The following P4HA2 variants were observed in gnomAD, a reference collection of about 807,000 sequenced individuals.
The protein encoded by P4HA2 is prolyl 4-hydroxylase subunit alpha 2.
Under a neutral mutation model 76.9 loss-of-function variants are expected in P4HA2, and 46 were observed. The observed-to-expected ratio is 0.60, with a 90% confidence interval of 0.47 to 0.76. The LOEUF is 0.76. Ranked by LOEUF, P4HA2 falls within the 30% of genes least tolerant of loss-of-function variation. The pLI, the probability that P4HA2 is intolerant of heterozygous loss-of-function variation, is 0.00. For synonymous variants in P4HA2, 243 were observed against 254.0 expected, an observed-to-expected ratio of 0.96 and a Z score of 0.41; for missense variants, 583 against 669.4, an observed-to-expected ratio of 0.87 and a Z score of 1.42.
intron 6 of P4HA2, among the ~76,000 whole-genome samples, 180 bp from the exon 7 acceptor site, chr5:132,209,511 G>A (rs575074617): frequency 3.3e-4 from 51 of 152,302 alleles, no homozygotes; most frequent in Admixed American, 2.4e-3. Flanking sequence ...GGCCAGGTGC[G>A]GTGGCTCATA....
chr5:132,218,375 T>C (rs997163975), intron 2 of P4HA2, among the ~76,000 whole-genome samples, 170 bp downstream of exon 2: 6 of 152,174 alleles, frequency 3.9e-5, no homozygotes, highest in East Asian at 3.8e-4. Context: ...ATCCAGATCA[T>C]TGGGATCTTA....
intron 2 of P4HA2, 35 bp from the exon 3 acceptor site, chr5:132,217,883 C>T: frequency 7.6e-7 from 1 of 1,310,188 alleles, no homozygotes; most frequent in Non-Finnish European, 1.1e-6. Context: ...CAGTGAGAAA[C>T]AGATGAGGGA....
intron 1 of P4HA2, among the ~76,000 whole-genome samples, chr5:132,223,239 C>T (rs954171022): frequency 2.1e-4 from 32 of 152,186 alleles, no homozygotes; most frequent in African/African-American, 7.5e-4. Context: ...TAAAACACCA[C>T]CTCCCATCCT....
chr5:132,220,692 G>A (rs1304975614), intron 1 of P4HA2, among the ~76,000 whole-genome samples: 1 of 152,244 alleles, frequency 6.6e-6, no homozygotes, highest in East Asian at 1.9e-4. Flanking sequence ...TCTCTGGAAT[G>A]TGCGATCTGG....
intron 12 of P4HA2, chr5:132,195,692 A>G: frequency 1.7e-6 from 1 of 591,422 alleles, no homozygotes; most frequent in Non-Finnish European, 3.0e-6. Context: ...CCATGTCATG[A>G]GTGTTCAAGA....
chr5:132,200,260 G>A (rs1751300460), intron 10 of P4HA2: 1 of 152,186 alleles, frequency 6.6e-6, no homozygotes, highest in Non-Finnish European at 1.5e-5. Flanking sequence ...TATAAGAGAT[G>A]AAATCCTCTT....
chr5:132,207,512 C>T (rs78249255), intron 8 of P4HA2, among the ~76,000 whole-genome samples, 196 bp downstream of exon 8: 306 of 152,258 alleles, frequency 2.0e-3, no homozygotes, highest in Admixed American at 4.6e-3. Flanking sequence ...CATTGGTTAC[C>T]CTGTTCTTCT....
intron 4 of P4HA2, among the ~76,000 whole-genome samples, chr5:132,215,070 G>C (rs1338083154): frequency 6.6e-6 from 1 of 152,166 alleles, no homozygotes; most frequent in Non-Finnish European, 1.5e-5. Flanking sequence ...TGCCACCTAT[G>C]ACTTCAGACC....
Position 132,197,346 on chromosome 5 carries a change from G to A in P4HA2, c.1365+975C>T, listed in dbSNP as rs147877342. Among the ~76,000 whole-genome samples, 783 of 152,232 alleles carry A rather than the reference G, an allele frequency of 5.1e-3. 5 individuals are homozygous for A. The highest frequency in any genetic ancestry group is 0.017 in the African/African-American group (726 of 41,536). ...AGAATGGCAGGGCGCAGTGGCTCAC[G>A]CCTGTAATCCCAGCACTTTGGGAGG... On this transcript the variant is annotated intron_variant, in intron 12 of 14. Transcript: ENST00000360568.
At chr5:132,207,997 C>T in intron 7 of P4HA2, 113 bp from the exon 8 acceptor site, 1 of 769,162 alleles carries the variant, frequency 1.3e-6, no homozygotes, top group African/African-American at 1.8e-5. Context: ...CTCCCTCCCA[C>T]CACACCACAG....
rs904016015 is a variant in P4HA2, at chr5:132,203,747, C to T, written c.1251+1G>A. ...CCTACAGTCCCAGGTACTATCTGTA[C>T]CTGTAACAATTCTGCAGTCTTTACT... is the stretch of plus-strand genomic sequence containing the variant. On this transcript the variant is annotated splice_donor_variant, in intron 10 of 14. Transcript: ENST00000360568. LOFTEE classifies it high-confidence loss of function. 3 of 1,579,294 alleles carry T rather than the reference C, an allele frequency of 1.9e-6. No homozygotes were observed. The highest frequency in any genetic ancestry group is 2.6e-6 in the Non-Finnish European group (3 of 1,148,138).
At chr5:132,194,540 C>G (rs1044656586) in intron 14 of P4HA2, among the ~76,000 whole-genome samples, 2 of 152,188 alleles carry the variant, frequency 1.3e-5, no homozygotes, top group Admixed American at 1.3e-4. Context: ...CCCCCACACC[C>G]GTATGCTGGT....
At position 132,198,305 on chromosome 5, in the gene P4HA2, T is replaced by C. The variant is rs1750971352; in HGVS notation, c.1365+16A>G. ...TTAAGTGAGAATGAACAGGTGGGCC[T>C]GGACCCAGTACTTACGTAGTTAAGA... On this transcript the variant is annotated intron_variant, in intron 12 of 14. Transcript: ENST00000360568. The C allele has an allele frequency of 1.9e-6, 3 of 1,614,230 alleles. No homozygotes were observed. The highest frequency in any genetic ancestry group is 2.5e-6 in the Non-Finnish European group (3 of 1,180,032).
At position 132,195,001 on chromosome 5, in the gene P4HA2, T is replaced by C. The variant is rs1338777329; in HGVS notation, c.1456A>G (p.Asn486Asp). 3 of 1,612,852 alleles carry C rather than the reference T, an allele frequency of 1.9e-6. No individual in the cohort carries two copies. Among genetic ancestry groups the C allele is most frequent in the Non-Finnish European group, 2.5e-6 (3 of 1,178,784 alleles). ...TCACCTTCCCCGCTCCGCAAGAGGT[T>C]GTACCAGAACACAGCTGTACCCTGG... ...PKKGTAVFWY[N>D]LLRSGEGDYR... Residue 486 changes from asparagine (N) to aspartate (D), a missense_variant, in exon 14 of 15, where the codon AAC (asparagine) becomes GAC (aspartate). Asn to Asp is a conservative substitution (Grantham distance 23). Coordinates refer to ENST00000360568, the MANE Select transcript of P4HA2 (RefSeq NM_001017974.2).
At chr5:132,227,664 C>T (rs1339587276) in intron 1 of P4HA2, 126 bp downstream of exon 1, 1 of 152,770 alleles carries the variant, frequency 6.5e-6, no homozygotes, top group African/African-American at 2.4e-5. Flanking sequence ...GGCGCGACCC[C>T]CGGCCCCGGA....
At chr5:132,225,599 C>T (rs571684349) in intron 1 of P4HA2, among the ~76,000 whole-genome samples, 3 of 152,366 alleles carry the variant, frequency 2.0e-5, no homozygotes, top group Non-Finnish European at 2.9e-5. Context: ...TCTCAGAGTA[C>T]GAGCTACCCA....
In P4HA2 at chr5:132,217,274, T is replaced by C. The variant is rs1270775294; in HGVS notation, c.254A>G (p.Asn85Ser). 1 of 1,614,166 alleles carries C rather than the reference T, an allele frequency of 6.2e-7. No homozygotes were observed. The highest frequency in any genetic ancestry group is 8.5e-7 in the Non-Finnish European group (1 of 1,179,990). The change falls in exon 4 of 15, where the codon AAT (asparagine) becomes AGT (serine). Residue 85 changes from asparagine (N) to serine (S), a missense_variant. By Grantham distance (46) the Asn-to-Ser change is conservative. Coordinates refer to ENST00000360568, the MANE Select transcript of P4HA2 (RefSeq NM_001017974.2). The part of the protein sequence containing the change: ...DAEGYLAHPV[N>S]AYKLVKRLNT... ...TAGCCGCTTCACCAGTTTGTAGGCA[T>C]TCACAGGGTGAGCCAGGTAGCCCTC...
chr5:132,195,473 T>G lies in P4HA2; in HGVS notation c.1373A>C (p.Asp458Ala), dbSNP rs992499643. 1 of 1,612,420 alleles carries G rather than the reference T, an allele frequency of 6.2e-7. No individual in the cohort carries two copies. The highest frequency in any genetic ancestry group is 8.5e-7 in the Non-Finnish European group (1 of 1,178,474). ...GACGGTGGCACCACCAGCTTCTACA[T>G]CACTCATCTGGAAATATAAGACATA... Reference protein sequence around the residue: ...RLATFLNYMSDVEAGGATVFP... With the variant: ...RLATFLNYMSAVEAGGATVFP... Residue 458 changes from aspartate (D) to alanine (A), a missense_variant, in exon 13 of 15, where the codon GAT becomes GCT. Physicochemically the swap from Asp to Ala is moderately radical, Grantham distance 126 (BLOSUM62 -2). Transcript: ENST00000360568.
At chr5:132,219,629 C>T (rs180746289) in intron 1 of P4HA2, among the ~76,000 whole-genome samples, 1 of 152,270 alleles carries the variant, frequency 6.6e-6, no homozygotes, top group Admixed American at 6.5e-5. Flanking sequence ...CTTCTTCCTG[C>T]CCTGCTTTTG....
Sources: gnomAD v4.1 joint callset for allele counts (sites outside exome capture counted in the v4.1 genomes callset) on GRCh38, gnomAD v4.1.1 for gene constraint, MANE v1.5 for transcripts, NCBI Gene and HGNC (gene_info 2026-07-23, HGNC 2026-07-21) for gene names.